Variants in COL2A1 observed in about 807,000 individuals in gnomAD.
The protein encoded by COL2A1 is collagen alpha-1(II) chain.
In COL2A1, 28 loss-of-function variants were observed where a neutral mutation model predicts 204.5. The ratio of observed to expected loss-of-function variants is 0.14; its 90% CI spans 0.10 to 0.19. The LOEUF (loss-of-function observed/expected upper bound fraction) is 0.19. Ranked by LOEUF, COL2A1 falls within the 10% of genes least tolerant of loss-of-function variation. The pLI, the probability that COL2A1 is intolerant of heterozygous loss-of-function variation, is 1.00. For synonymous variants in COL2A1, 708 were observed against 718.7 expected (o/e 0.99, Z 0.24); for missense variants, 1,388 against 2,027.5 (o/e 0.68, Z 6.06).
intron 40 of COL2A1, 67 bp from the exon 41 acceptor site, chr12:47,979,631 G>T: frequency 3.4e-6 from 2 of 585,462 alleles, no homozygotes; most frequent in Non-Finnish European, 6.6e-6. Flanking sequence ...AAAATGGGCG[G>T]GGGGCGGGGG....
At chr12:47,979,179 G>A (rs1237608675) in intron 41 of COL2A1, among the ~76,000 whole-genome samples, 2 of 152,208 alleles carry the variant, frequency 1.3e-5, no homozygotes, top group Admixed American at 6.5e-5. Flanking sequence ...CTCCCTGAGA[G>A]CGACCCAGGA....
At position 47,984,117 on chromosome 12, in the gene COL2A1, C is replaced by T. The variant is rs756066656; in HGVS notation, c.1911G>A (p.Glu637=). The part of the protein sequence containing the change: ...GLRGLPGKDG[E]TGAAGPPGPA... ...GGCCAGGGGGTCCTGCAGCACCTGTCTCACCATCTTTGCCAGGAAGACCCT... is the reference window on the plus strand; with the variant it reads ...GGCCAGGGGGTCCTGCAGCACCTGTTTCACCATCTTTGCCAGGAAGACCCT... Residue 637 remains glutamate (E), a synonymous_variant, in exon 29 of 54, where the codon GAG becomes GAA. Coordinates refer to ENST00000380518, the MANE Select transcript of COL2A1 (RefSeq NM_001844.5). 59 of 1,613,564 alleles carry T rather than the reference C, an allele frequency of 3.7e-5. 1 individual carries two copies. In the South Asian group the frequency reaches 6.2e-4, roughly 17 times the overall value.
rs1400497919 is a variant in COL2A1, at chr12:47,987,761, C to T, written c.1123-52G>A. On this transcript the variant is annotated intron_variant, in intron 18 of 53. Coordinates refer to ENST00000380518, the MANE Select transcript of COL2A1 (RefSeq NM_001844.5). The surrounding 1 kb of genome is among the most constrained non-coding windows in gnomAD (Gnocchi z 4.1). ...GAAGAAGAAGAGAGGGGACACAGAC[C>T]TCTAGTGGGTGGGCAATAGCTCAGG... 5.5e-6 allele frequency: 8 copies of T among 1,450,932 alleles called. No individual in the cohort carries two copies. Among genetic ancestry groups the T allele is most frequent in the Non-Finnish European group, 7.6e-6 (8 of 1,047,080 alleles). The allele number at this position is 1,450,932 out of a possible 1,614,324, so 89.9% of individuals were successfully genotyped here.
chr12:47,988,596 C>T (rs1635538), intron 18 of COL2A1: 1 of 160,142 alleles, frequency 6.2e-6, no homozygotes, highest in Non-Finnish European at 1.4e-5. Context: ...GCCATGGAAA[C>T]CCCCAGGAGG....
intron 33 of COL2A1, 92 bp from the exon 34 acceptor site, chr12:47,982,701 C>T: frequency 7.9e-7 from 1 of 1,262,156 alleles, no homozygotes; most frequent in Non-Finnish European, 1.1e-6. Flanking sequence ...CCCCAAACCC[C>T]TCTTCCTTCC....
chr12:47,981,165 G>A (rs538720820), intron 37 of COL2A1, among the ~76,000 whole-genome samples, 178 bp downstream of exon 37: 14 of 152,248 alleles, frequency 9.2e-5, no homozygotes, highest in Admixed American at 5.2e-4. Context: ...TGGGAGTGAC[G>A]TGCCTTCCCC....
chr12:47,974,991 T>C, intron 51 of COL2A1, 129 bp from the exon 52 acceptor site: 1 of 994,448 alleles, frequency 1.0e-6, no homozygotes. Flanking sequence ...ACATGTGGCC[T>C]GAAAGGAGGG....
chr12:47,995,646 C>T (rs369120569), intron 10 of COL2A1, 64 bp downstream of exon 10: 78 of 1,481,268 alleles, frequency 5.3e-5, no homozygotes, highest in Non-Finnish European at 6.5e-5. Flanking sequence ...ACAGCAGCTG[C>T]GGTCCTAGTG....
chr12:47,995,168 T>A, intron 11 of COL2A1, 87 bp downstream of exon 11: 1 of 1,139,350 alleles, frequency 8.8e-7, no homozygotes, highest in Non-Finnish European at 1.3e-6. Flanking sequence ...CCACCCTGGG[T>A]GCCTCCCTGT....
Position 47,975,513 on chromosome 12 carries a change from C to G in COL2A1, c.3690G>C (p.Glu1230Asp), listed in dbSNP as rs1347381176. 3.1e-6 allele frequency: 5 copies of G among 1,611,140 alleles called. No individual in the cohort carries two copies. The highest frequency in any genetic ancestry group is 4.2e-6 in the Non-Finnish European group (5 of 1,179,988). ...MSAFAGLGPREKGPDPLQYMR... is the reference protein window; with the variant it reads ...MSAFAGLGPRDKGPDPLQYMR... ...TGTACTGCAGGGGGTCGGGGCCCTTCTCTCTCGGGCCTAAGCCAGCAAAGG... is the reference window on the plus strand; with the variant it reads ...TGTACTGCAGGGGGTCGGGGCCCTTGTCTCTCGGGCCTAAGCCAGCAAAGG... Residue 1230 changes from glutamate to aspartate, a missense_variant, in exon 51 of 54, where the codon GAG (glutamate) becomes GAC (aspartate). By Grantham distance (45) the Glu-to-Asp change is conservative. This residue lies in a region of COL2A1 where 303 missense variants were observed against 369.2 expected (regional missense o/e 0.82). Transcript: ENST00000380518.
chr12:47,999,197 A>C (rs1307231315), intron 2 of COL2A1, among the ~76,000 whole-genome samples: 1 of 152,218 alleles, frequency 6.6e-6, no homozygotes, highest in East Asian at 1.9e-4. Context: ...GAGATAGGAC[A>C]TCTGTATGAA....
At chr12:47,988,321 C>T (rs936734909) in intron 18 of COL2A1, 3 of 155,758 alleles carry the variant, frequency 1.9e-5, no homozygotes, top group Non-Finnish European at 2.8e-5. Flanking sequence ...GCGGGCGCCT[C>T]TGGCAAGCCC....
rs3829737 is a variant in COL2A1 at position 47,982,664 on chromosome 12, A to G, written c.2194-55T>C. ...GTGGACAGCACCTCTCCCTGAACCC[A>G]TGTTCATGGAGCCTGGGTAACCAGG... On this transcript the variant is annotated intron_variant, in intron 33 of 53. Coordinates refer to ENST00000380518, the MANE Select transcript of COL2A1 (RefSeq NM_001844.5). 643,616 of 1,395,974 alleles carry G rather than the reference A, an allele frequency of 0.46. 150,059 individuals are homozygous for G. Among genetic ancestry groups the G allele is most frequent in the East Asian group, 0.57 (24,391 of 42,708 alleles). The allele number at this position is 1,395,974 out of a possible 1,614,324, so 86.5% of individuals were successfully genotyped here.
chr12:48,001,627 G>A (rs974997671), intron 1 of COL2A1, among the ~76,000 whole-genome samples: 2 of 152,206 alleles, frequency 1.3e-5, no homozygotes, highest in East Asian at 1.9e-4. Context: ...CCCGGGAAGC[G>A]CCGGCGCAGG....
At chr12:47,993,547 G>A (rs1449255914) in intron 14 of COL2A1, 45 bp from the exon 15 acceptor site, 1 of 1,572,102 alleles carries the variant, frequency 6.4e-7, no homozygotes, top group South Asian at 1.1e-5. Flanking sequence ...CCCCATTCTT[G>A]GCCGCCAGCA....
At chr12:47,985,866 C>A in intron 24 of COL2A1, 40 bp from the exon 25 acceptor site, 2 of 1,579,776 alleles carry the variant, frequency 1.3e-6, no homozygotes, top group Non-Finnish European at 1.7e-6. Context: ...TACCATGTGA[C>A]CTCAGCGATG....
chr12:47,975,703 A>G (rs896437532), intron 50 of COL2A1, 98 bp from the exon 51 acceptor site: 18 of 1,366,322 alleles, frequency 1.3e-5, no homozygotes, highest in Non-Finnish European at 1.7e-5. Flanking sequence ...CCCTCTTCCC[A>G]GCCCCATGGG....
intron 11 of COL2A1, among the ~76,000 whole-genome samples, chr12:47,994,756 G>A (rs1939871536): frequency 6.6e-6 from 1 of 152,338 alleles, no homozygotes; most frequent in Middle Eastern, 3.4e-3. Flanking sequence ...TCTGCTGACT[G>A]TATGTGCTCT....
At chr12:48,002,962 G>A (rs1052851148) in intron 1 of COL2A1, 1 of 152,290 alleles carries the variant, frequency 6.6e-6, no homozygotes. Context: ...CTGGTGGCAG[G>A]AGAGGGCCCA....
Sources: allele counts gnomAD v4.1 joint callset (sites outside exome capture counted in the v4.1 genomes callset), GRCh38; gene constraint gnomAD v4.1.1; regional missense constraint gnomAD v4.1.1; non-coding constraint Gnocchi (gnomAD v3.1); transcripts MANE v1.5; gene names NCBI Gene and HGNC (gene_info 2026-07-23, HGNC 2026-07-21).